The following PCTP variants were observed in gnomAD, a reference collection of about 807,000 sequenced individuals.
PCTP encodes the protein phosphatidylcholine transfer protein.
Under a neutral mutation model 31.0 loss-of-function variants are expected in PCTP, and 27 were observed. The observed-to-expected ratio is 0.87, with a 90% confidence interval of 0.64 to 1.20. The LOEUF (loss-of-function observed/expected upper bound fraction) is 1.20, where lower values mean the gene tolerates loss of function less well. Ranked by LOEUF, PCTP falls within the 50% of genes most tolerant of loss-of-function variation. The pLI is 0.00. For missense variants in PCTP, 287 were observed against 268.2 expected, an observed-to-expected ratio of 1.07 and a Z score of -0.49; for synonymous variants, 108 against 101.2, an observed-to-expected ratio of 1.07 and a Z score of -0.40.
intron 3 of PCTP, among the ~76,000 whole-genome samples, chr17:55,791,463 AAAAC>A (rs1227863330): frequency 4.1e-5 from 6 of 147,992 alleles, no homozygotes; most frequent in Admixed American, 1.3e-4. Context: ...TTACAAGAAA[AAAAC>A]AAACAACCCC....
At chr17:55,851,080 G>T in the PCTP span, among the ~76,000 whole-genome samples, 1 of 152,280 alleles carries the variant, frequency 6.6e-6, no homozygotes, top group East Asian at 1.9e-4. Flanking sequence ...TATCACTCAT[G>T]TGAAAAAGCA....
At chr17:55,789,866 A>G (rs1911892443) in intron 3 of PCTP, among the ~76,000 whole-genome samples, 1 of 152,196 alleles carries the variant, frequency 6.6e-6, no homozygotes, top group African/African-American at 2.4e-5. Flanking sequence ...AGAATTTTAG[A>G]CCAATATCCT....
In PCTP at chr17:55,794,547, A is replaced by G. The variant is rs142147958; in HGVS notation, c.317+6893A>G. On this transcript the variant is annotated intron_variant, in intron 3 of 3. Transcript: ENST00000572536. ...CTCATTAAAGATTTTCTGTCCATCAATTCCTAAAATAGGAATTCTTAAGTT... is the reference window on the plus strand; with the variant it reads ...CTCATTAAAGATTTTCTGTCCATCAGTTCCTAAAATAGGAATTCTTAAGTT... Among the ~76,000 whole-genome samples the G allele has an allele frequency of 2.6e-5, 4 of 152,042 alleles. 1 individual carries two copies. Among genetic ancestry groups the G allele is most frequent in the South Asian group, 4.1e-4 (2 of 4,830 alleles).
intron 3 of PCTP, among the ~76,000 whole-genome samples, chr17:55,790,832 G>A (rs9891820): frequency 5.6e-4 from 82 of 146,294 alleles, no homozygotes; most frequent in African/African-American, 1.9e-3. Context: ...ACCAAAAAAG[G>A]GCCCGCATCA....
intron 3 of PCTP, among the ~76,000 whole-genome samples, chr17:55,811,554 C>T (rs1204820769): frequency 4.6e-5 from 7 of 152,176 alleles, no homozygotes; most frequent in East Asian, 3.8e-4. Context: ...TAGATATTGA[C>T]GTGGAATCTG....
At chr17:55,775,878 G>A (rs2144974375) in intron 5 of PCTP, 157 bp from the exon 6 acceptor site, 12 of 1,385,348 alleles carry the variant, frequency 8.7e-6, no homozygotes, top group Middle Eastern at 2.0e-4. Context: ...CCTACTTTTT[G>A]TCATCATCTG....
chr17:55,813,846 C>A (rs975822936), intron 3 of PCTP, among the ~76,000 whole-genome samples: 4 of 152,024 alleles, frequency 2.6e-5, no homozygotes, highest in Non-Finnish European at 4.4e-5. Flanking sequence ...AGTTCAAGAC[C>A]AGCCTGGACA....
chr17:55,818,230 T>C (rs182400158), intron 3 of PCTP, among the ~76,000 whole-genome samples: 177 of 152,130 alleles, frequency 1.2e-3, no homozygotes, highest in Non-Finnish European at 1.8e-3. Context: ...ATTCAGCATG[T>C]CTTGGGTGGG....
At chr17:55,838,829 A>G (rs993945196) in intron 5 of PCTP, among the ~76,000 whole-genome samples, 1 of 152,232 alleles carries the variant, frequency 6.6e-6, no homozygotes, top group Non-Finnish European at 1.5e-5. Flanking sequence ...TACAGAGCTC[A>G]TAAATGAGCT....
downstream of PCTP, among the ~76,000 whole-genome samples, chr17:55,845,476 G>T (rs1256655266): frequency 1.3e-5 from 2 of 152,214 alleles, no homozygotes; most frequent in Non-Finnish European, 2.9e-5. Context: ...GAGGGTTTCC[G>T]CGGGATGCTC....
At chr17:55,752,616 A>T (rs1909775282) in intron 1 of PCTP, among the ~76,000 whole-genome samples, 1 of 152,220 alleles carries the variant, frequency 6.6e-6, no homozygotes, top group Non-Finnish European at 1.5e-5. Flanking sequence ...ACTGTAAAAC[A>T]TGCTATTTGG....
intron 2 of PCTP, among the ~76,000 whole-genome samples, chr17:55,768,052 C>T (rs1460809949): frequency 6.7e-6 from 1 of 148,338 alleles, no homozygotes; most frequent in East Asian, 2.0e-4. Flanking sequence ...CAAGACTGTA[C>T]TTCAGCAGGG....
At chr17:55,754,919 G>A (rs1344157134) in intron 1 of PCTP, among the ~76,000 whole-genome samples, 4 of 151,850 alleles carry the variant, frequency 2.6e-5, no homozygotes, top group African/African-American at 4.8e-5. Flanking sequence ...ATACACACAC[G>A]CCGCCACACA....
At chr17:55,752,556 A>T (rs1909771729) in intron 1 of PCTP, among the ~76,000 whole-genome samples, 1 of 152,214 alleles carries the variant, frequency 6.6e-6, no homozygotes, top group African/African-American at 2.4e-5. Context: ...TCCTGTCTAA[A>T]TACATATATA....
chr17:55,774,876 T>TG lies in PCTP; in HGVS notation c.579+21dup. The TG allele has an allele frequency of 3.9e-6, 1 of 257,078 alleles. No individual in the cohort carries two copies. The highest frequency in any genetic ancestry group is 6.9e-6 in the Non-Finnish European group (1 of 144,500). 15.9% of individuals were successfully genotyped at this position (257,078 alleles called of 1,614,324 possible). A position where few individuals can be genotyped will look rare whatever the true frequency, so the allele number is the denominator to read the frequency against. On this transcript the variant is annotated intron_variant, in intron 5 of 5. Transcript: ENST00000268896. ...GCCGCCAAGGTGAGATCCCAGGAGG[T>TG]GGGGCGGGGGGAGGGATGGGGGAGT... is the stretch of plus-strand genomic sequence containing the variant.
chr17:55,770,133 A>G (rs1597983903), intron 2 of PCTP: 1 of 152,398 alleles, frequency 6.6e-6, no homozygotes, highest in East Asian at 1.9e-4. Context: ...TGTGCATGCC[A>G]TTAAATTTCT....
intron 5 of PCTP, 61 bp from the exon 6 acceptor site, chr17:55,775,974 C>A (rs1911306558): frequency 1.9e-6 from 3 of 1,592,750 alleles, no homozygotes; most frequent in Admixed American, 1.8e-5. Context: ...CTGCCACATC[C>A]CAAAGAATCA....
intron 2 of PCTP, among the ~76,000 whole-genome samples, chr17:55,785,367 A>G (rs962358792): frequency 1.3e-4 from 20 of 152,258 alleles, no homozygotes; most frequent in Non-Finnish European, 4.4e-5. Flanking sequence ...ATCCTTCTCA[A>G]TAGAGCTTGG....
chr17:55,832,328 T>C (rs1311710938), intron 5 of PCTP, among the ~76,000 whole-genome samples: 2 of 152,218 alleles, frequency 1.3e-5, no homozygotes, highest in Non-Finnish European at 2.9e-5. Flanking sequence ...TTTTACTATT[T>C]TAATGTCCAG....
Sources: allele counts gnomAD v4.1 joint callset (sites outside exome capture counted in the v4.1 genomes callset), GRCh38; gene constraint gnomAD v4.1.1; transcripts MANE v1.5; gene names NCBI Gene and HGNC (gene_info 2026-07-23, HGNC 2026-07-21).